PCNX2: variants seen among roughly 807,000 people sequenced by gnomAD.
The protein encoded by PCNX2 is pecanex-like protein 2.
A neutral mutation model predicts 223.8 loss-of-function variants in PCNX2; 168 were observed. That is an observed-to-expected ratio of 0.75 (90% CI 0.66 to 0.85). The LOEUF (loss-of-function observed/expected upper bound fraction) is 0.85, where lower values mean the gene tolerates loss of function less well. Ranked by LOEUF, PCNX2 falls within the 40% of genes least tolerant of loss-of-function variation. The probability of loss-of-function intolerance (pLI) is 0.00; values close to 1 mark genes in which losing one functional copy is unlikely to be tolerated. For synonymous variants in PCNX2, 1,006 were observed against 1,052.6 expected (o/e 0.96, Z 0.86); for missense variants, 2,507 against 2,675.5 (o/e 0.94, Z 1.39).
At chr1:233,179,995 C>T (rs562111111) in intron 15 of PCNX2, among the ~76,000 whole-genome samples, 270 of 152,300 alleles carry the variant, frequency 1.8e-3, no homozygotes, top group African/African-American at 5.9e-3. Flanking sequence ...GCAGTAAGGA[C>T]GACCCAAATG....
At chr1:233,228,411 C>T (rs1657870368) in intron 9 of PCNX2, among the ~76,000 whole-genome samples, 1 of 152,138 alleles carries the variant, frequency 6.6e-6, no homozygotes, top group South Asian at 2.1e-4. Context: ...GTGTAAAATT[C>T]AATAGTGTTA....
the PCNX2 span, among the ~76,000 whole-genome samples, chr1:233,321,661 C>T: frequency 2.0e-5 from 3 of 152,130 alleles, no homozygotes; most frequent in Non-Finnish European, 4.4e-5. Flanking sequence ...ATGCATTTCT[C>T]ATTTTGTCAT....
At chr1:233,286,604 T>A (rs538862260) in intron 1 of PCNX2, among the ~76,000 whole-genome samples, 1 of 150,076 alleles carries the variant, frequency 6.7e-6, no homozygotes, top group African/African-American at 2.5e-5. Flanking sequence ...AAGCTGGAGG[T>A]GGACAGAGTA....
chr1:233,157,361 T>G (rs1341531597), intron 19 of PCNX2, among the ~76,000 whole-genome samples: 1 of 152,072 alleles, frequency 6.6e-6, no homozygotes, highest in Non-Finnish European at 1.5e-5. Context: ...TGTAAAATGG[T>G]GGGATAGGAT....
rs185950225 is a variant in PCNX2 at position 232,990,748 on chromosome 1, C to G, written c.5792-4208G>C. ...GCTGTGGAGACAGGAGCACGTCAAC[C>G]AGCTCCCACCCACTCCTGCTTGGCC... On this transcript the variant is annotated intron_variant, in intron 32 of 33. Coordinates refer to ENST00000258229, the MANE Select transcript of PCNX2 (RefSeq NM_014801.4). This position sits in a 1 kb window ranked among gnomAD's most constrained non-coding sequence, Gnocchi z 4.3. Among the ~76,000 whole-genome samples the G allele has an allele frequency of 2.6e-3, 403 of 152,312 alleles. 1 individual carries two copies. The highest frequency in any genetic ancestry group is 9.4e-3 in the African/African-American group (391 of 41,570).
At chr1:233,045,291 A>G (rs1162247658) in intron 25 of PCNX2, among the ~76,000 whole-genome samples, 1 of 152,214 alleles carries the variant, frequency 6.6e-6, no homozygotes, top group Non-Finnish European at 1.5e-5. Flanking sequence ...GCTCATAACA[A>G]TCTTCCATGC....
At chr1:233,159,042 G>A (rs116389218) in intron 19 of PCNX2, among the ~76,000 whole-genome samples, 1,746 of 152,208 alleles carry the variant, frequency 0.011, 25 homozygotes, top group Admixed American at 0.036. Context: ...AGTAGTACAC[G>A]GAATTGTACA....
intron 20 of PCNX2, among the ~76,000 whole-genome samples, chr1:233,136,818 T>C (rs1676831611): frequency 6.6e-6 from 1 of 152,170 alleles, no homozygotes; most frequent in African/African-American, 2.4e-5. Flanking sequence ...ACCCCAATGA[T>C]AAGGTATCTG....
chr1:233,208,824 T>TAAA (rs1681643565), intron 12 of PCNX2, 135 bp from the exon 13 acceptor site: 5 of 11,502 alleles, frequency 4.3e-4, no homozygotes, highest in Non-Finnish European at 6.7e-4. Flanking sequence ...ACAATTCATA[T>TAAA]ACAAAAAAAA....
chr1:233,043,627 A>G (rs1382488553), intron 25 of PCNX2, among the ~76,000 whole-genome samples: 2 of 118,712 alleles, frequency 1.7e-5, no homozygotes, highest in East Asian at 2.6e-4. Context: ...TCATTGTTCA[A>G]TTCCCACCTA....
chr1:233,199,122 T>C, intron 14 of PCNX2, 92 bp from the exon 15 acceptor site: 1 of 1,177,976 alleles, frequency 8.5e-7, no homozygotes, highest in Non-Finnish European at 1.2e-6. Flanking sequence ...CACATTCGCA[T>C]ACAAGATGCC....
intron 15 of PCNX2, among the ~76,000 whole-genome samples, chr1:233,194,560 T>A (rs1680609803): frequency 6.6e-6 from 1 of 152,140 alleles, no homozygotes; most frequent in African/African-American, 2.4e-5. Flanking sequence ...AAAGAATACA[T>A]CTCATCTAAG....
chr1:233,258,757 T>C lies in PCNX2; in HGVS notation c.1105A>G (p.Ser369Gly). ...ACAATTTTTATGGGCTCATGTAGACTCAGTGGGTCTCCGGGTTGAGAAGTA... is the reference window on the plus strand; with the variant it reads ...ACAATTTTTATGGGCTCATGTAGACCCAGTGGGTCTCCGGGTTGAGAAGTA... ...IDTSQPGDPL[S>G]LHEPIKIVIT... The change falls in exon 5 of 34, where the codon AGT (serine) becomes GGT (glycine). Residue 369 changes from serine to glycine, a missense_variant. Transcript: ENST00000258229. 6.2e-7 allele frequency: 1 copy of C among 1,613,908 alleles called. No individual in the cohort carries two copies. The highest frequency in any genetic ancestry group is 8.5e-7 in the Non-Finnish European group (1 of 1,179,884).
intron 23 of PCNX2, among the ~76,000 whole-genome samples, chr1:233,058,990 C>G (rs1185086434): frequency 1.3e-5 from 2 of 152,118 alleles, no homozygotes; most frequent in African/African-American, 4.8e-5. Flanking sequence ...TCACTCCACC[C>G]TTTGCTTTCT....
intron 15 of PCNX2, among the ~76,000 whole-genome samples, chr1:233,197,115 G>A (rs998858999): frequency 6.6e-6 from 1 of 152,152 alleles, no homozygotes; most frequent in Non-Finnish European, 1.5e-5. Flanking sequence ...CTGGAGATAG[G>A]GGAAGAGACT....
chr1:233,272,275 G>C (rs1393546219), intron 1 of PCNX2, among the ~76,000 whole-genome samples: 1 of 145,036 alleles, frequency 6.9e-6, no homozygotes, highest in African/African-American at 2.6e-5. Flanking sequence ...AATCTATAGG[G>C]AACTCAAACA....
intron 15 of PCNX2, among the ~76,000 whole-genome samples, chr1:233,185,038 G>A (rs1197559432): frequency 6.7e-6 from 1 of 149,772 alleles, no homozygotes; most frequent in African/African-American, 2.5e-5. Context: ...TCATTCTCCA[G>A]GTTACCTGTT....
chr1:233,186,159 T>C lies in PCNX2; in HGVS notation c.3067-6984A>G, dbSNP rs146734545. 7.1e-3 allele frequency among the ~76,000 whole-genome samples: 1,075 copies of C among 152,320 alleles called. 8 individuals carry two copies. Among genetic ancestry groups the C allele is most frequent in the African/African-American group, 0.024 (1,014 of 41,552 alleles). On this transcript the variant is annotated intron_variant, in intron 15 of 33. Transcript: ENST00000258229. ...GAATATCAACAGGCCGAATTCTTGCTTTGCTATGCCTTTCATATCAGGTTT... is the reference window on the plus strand; with the variant it reads ...GAATATCAACAGGCCGAATTCTTGCCTTGCTATGCCTTTCATATCAGGTTT...
At chr1:233,213,632 C>T (rs560099376) in intron 12 of PCNX2, among the ~76,000 whole-genome samples, 65 of 152,050 alleles carry the variant, frequency 4.3e-4, no homozygotes, top group Non-Finnish European at 7.9e-4. Context: ...CAAATGTCCT[C>T]CCTGAATAGT....
Sources: allele counts gnomAD v4.1 joint callset (sites outside exome capture counted in the v4.1 genomes callset), GRCh38; gene constraint gnomAD v4.1.1; non-coding constraint Gnocchi (gnomAD v3.1); transcripts MANE v1.5; gene names NCBI Gene and HGNC (gene_info 2026-07-23, HGNC 2026-07-21).